Variants in RPL3 observed in about 807,000 individuals in gnomAD.
The protein encoded by RPL3 is ribosomal protein L3, also known as large ribosomal subunit protein uL3.
Under a neutral mutation model 46.0 loss-of-function variants are expected in RPL3, and 3 were observed. The ratio of observed to expected loss-of-function variants is 0.07; its 90% CI spans 0.03 to 0.17. RPL3 has a LOEUF of 0.17. RPL3 is among the 10% of genes least tolerant of loss of function. The pLI is 1.00. For synonymous variants in RPL3, 224 were observed against 190.8 expected, an observed-to-expected ratio of 1.17 and a Z score of -1.43; for missense variants, 387 against 532.7, an observed-to-expected ratio of 0.73 and a Z score of 2.69.
intron 5 of RPL3, 85 bp from the exon 6 acceptor site, chr22:39,314,931 C>A (rs1036372992): frequency 6.5e-7 from 1 of 1,543,180 alleles, no homozygotes; most frequent in South Asian, 1.2e-5. Context: ...CCAACCATGG[C>A]TGGGTCATCT....
Position 39,313,741 on chromosome 22 carries a change from G to A in RPL3, c.952-12C>T, listed in dbSNP as rs533086025. The A allele has an allele frequency of 1.2e-6, 2 of 1,612,704 alleles. No individual in the cohort carries two copies. The highest frequency in any genetic ancestry group is 1.1e-5 in the South Asian group (1 of 91,060). On this transcript the variant is annotated splice_polypyrimidine_tract_variant and intron_variant, in intron 7 of 9. Coordinates refer to ENST00000216146, the MANE Select transcript of RPL3 (RefSeq NM_000967.4). ...TGGACAAAGCCACCCTGGAAAACGA[G>A]CATCGGATCAGCACAGGCCCAGGAG...
chr22:39,318,150 T>C (rs1484045701), intron 2 of RPL3: 6 of 482,390 alleles, frequency 1.2e-5, no homozygotes, highest in Non-Finnish European at 2.2e-5. Flanking sequence ...CTAAGGTTCC[T>C]GGCAAATTTA....
chr22:39,319,421 C>T, intron 1 of RPL3, 174 bp downstream of exon 1: 1 of 889,092 alleles, frequency 1.1e-6, no homozygotes, highest in Non-Finnish European at 1.8e-6. Flanking sequence ...TCCAAGCGCT[C>T]TTCACAAGCC....
chr22:39,318,227 G>A, intron 2 of RPL3, 173 bp downstream of exon 2: 1 of 640,638 alleles, frequency 1.6e-6, no homozygotes, highest in Non-Finnish European at 2.6e-6. Context: ...TGTAGCCTTG[G>A]AATATTAGTT....
At chr22:39,314,875 A>C (rs753281661) in intron 5 of RPL3, 29 bp from the exon 6 acceptor site, 8 of 1,602,208 alleles carry the variant, frequency 5.0e-6, no homozygotes, top group Non-Finnish European at 6.8e-6. Context: ...ACTTCACCTC[A>C]GCGCCCAGCA....
intron 3 of RPL3, chr22:39,317,050 A>C: frequency 2.8e-6 from 2 of 707,106 alleles, no homozygotes; most frequent in Non-Finnish European, 4.8e-6. Flanking sequence ...GGTTAATTTA[A>C]GTTACACGCA....
chr22:39,315,776 G>A lies in RPL3; in HGVS notation c.502-221C>T, dbSNP rs192587408. ...GCCTGAGTTACTGTCAGGATGAGCG[G>A]ACAAGACCCACACCACAGGCAAACA... On this transcript the variant is annotated intron_variant, in intron 4 of 9. Coordinates refer to ENST00000216146, the MANE Select transcript of RPL3 (RefSeq NM_000967.4). 1.6e-3 allele frequency among the ~76,000 whole-genome samples: 243 copies of A among 152,290 alleles called. 1 individual carries two copies. Among genetic ancestry groups the A allele is most frequent in the African/African-American group, 5.7e-3 (238 of 41,542 alleles).
chr22:39,313,843 A>C (rs777082142), intron 7 of RPL3, 114 bp from the exon 8 acceptor site: 5 of 1,027,690 alleles, frequency 4.9e-6, no homozygotes, highest in Non-Finnish European at 7.7e-6. Context: ...GAAGGCAACA[A>C]GGAACGGTTC....
At chr22:39,314,598 A>G in intron 6 of RPL3, 88 bp downstream of exon 6, 1 of 1,429,392 alleles carries the variant, frequency 7.0e-7, no homozygotes, top group South Asian at 1.3e-5. Context: ...AGCTACAGTC[A>G]GTGAAGCAGC....
chr22:39,315,925 G>T (rs1922658538), intron 4 of RPL3, among the ~76,000 whole-genome samples: 1 of 152,192 alleles, frequency 6.6e-6, no homozygotes, highest in Non-Finnish European at 1.5e-5. Context: ...GCCTGCTTTT[G>T]AGAGAGCACA....
chr22:39,313,572 T>C (rs1333063726), intron 8 of RPL3, 62 bp downstream of exon 8: 5 of 1,485,606 alleles, frequency 3.4e-6, no homozygotes, highest in Non-Finnish European at 4.7e-6. Flanking sequence ...GCCACCAGCG[T>C]CTGTGGCCTT....
chr22:39,318,478 G>A lies in RPL3; in HGVS notation c.118C>T (p.Pro40Ser), dbSNP rs1569162347. The A allele has an allele frequency of 1.2e-6, 2 of 1,614,062 alleles. No homozygotes were observed. Among genetic ancestry groups the A allele is most frequent in the Non-Finnish European group, 1.7e-6 (2 of 1,179,980 alleles). ...CCCAGGAAGGCTGTGAGGTGGACCG[G>A]CTTGGACGGGTCATCCTTAGGGAAG... is the stretch of plus-strand genomic sequence containing the variant. Reference protein sequence around the residue: ...KSFPKDDPSKPVHLTAFLGYK... With the variant: ...KSFPKDDPSKSVHLTAFLGYK... Residue 40 changes from proline (P) to serine (S), a missense_variant, in exon 2 of 10, where the codon CCG becomes TCG. By Grantham distance (74) the Pro-to-Ser change is moderately conservative. Transcript: ENST00000216146.
chr22:39,313,913 G>T, intron 7 of RPL3, 184 bp from the exon 8 acceptor site: 1 of 837,780 alleles, frequency 1.2e-6, no homozygotes, highest in Non-Finnish European at 2.1e-6. Context: ...CTGAACAGCT[G>T]AGCCTGAGAC....
In RPL3 at chr22:39,313,602, GC is replaced by G. The variant is rs762831799; in HGVS notation, c.1047+31del. ...GGCCTTGGATCCTCCCTCTACAAGA[GC>G]CCCCCCATGACAAGTCAGGACCTGC... On this transcript the variant is annotated intron_variant, in intron 8 of 9. Coordinates refer to ENST00000216146, the MANE Select transcript of RPL3 (RefSeq NM_000967.4). The G allele has an allele frequency of 4.8e-5, 76 of 1,596,786 alleles. No individual in the cohort carries two copies. In the Middle Eastern group the frequency reaches 1.7e-3, roughly 36 times the overall value.
intron 3 of RPL3, 89 bp from the exon 4 acceptor site, chr22:39,316,930 C>A (rs753531201): frequency 6.2e-7 from 1 of 1,600,456 alleles, no homozygotes; most frequent in Non-Finnish European, 8.6e-7. Context: ...ACTGGCACCG[C>A]GTGGGGATGG....
intron 4 of RPL3, 141 bp downstream of exon 4, chr22:39,316,565 G>T: frequency 9.6e-7 from 1 of 1,044,230 alleles, no homozygotes; most frequent in Non-Finnish European, 1.4e-6. Flanking sequence ...TGGTTCCCTT[G>T]CTAAGGGCCA....
At chr22:39,317,861 TCTC>T in intron 2 of RPL3, 1 of 524,664 alleles carries the variant, frequency 1.9e-6, no homozygotes, top group Non-Finnish European at 3.4e-6. Flanking sequence ...CAGCTTCAAT[TCTC>T]TTCTACAGAA....
intron 6 of RPL3, 127 bp downstream of exon 6, chr22:39,314,559 G>A (rs1922559427): frequency 8.7e-7 from 1 of 1,153,098 alleles, no homozygotes; most frequent in Non-Finnish European, 1.2e-6. Flanking sequence ...ACCATGAGAA[G>A]CAAGCCACTG....
intron 2 of RPL3, 47 bp downstream of exon 2, chr22:39,318,353 T>C (rs760732920): frequency 6.4e-6 from 10 of 1,573,966 alleles, no homozygotes; most frequent in Admixed American, 1.9e-5. Context: ...ACAATTTCCC[T>C]CCCCCTCCAC....
Sources: gnomAD v4.1 joint callset for allele counts (sites outside exome capture counted in the v4.1 genomes callset) on GRCh38, gnomAD v4.1.1 for gene constraint, MANE v1.5 for transcripts, NCBI Gene and HGNC (gene_info 2026-07-23, HGNC 2026-07-21) for gene names.